The following PTCD3 variants were observed in gnomAD, a reference collection of about 807,000 sequenced individuals.
The protein encoded by PTCD3 is pentatricopeptide repeat domain 3, also known as small ribosomal subunit protein mS39.
Under a neutral mutation model 101.9 loss-of-function variants are expected in PTCD3, and 89 were observed. The observed-to-expected ratio is 0.87, with a 90% CI of 0.74 to 1.04. PTCD3 has a LOEUF of 1.04. Ranked by LOEUF, PTCD3 falls within the 50% of genes least tolerant of loss-of-function variation. The pLI, the probability that PTCD3 is intolerant of heterozygous loss-of-function variation, is 0.00. For synonymous variants in PTCD3, 296 were observed against 278.5 expected, an observed-to-expected ratio of 1.06 and a Z score of -0.63; for missense variants, 870 against 828.2, an observed-to-expected ratio of 1.05 and a Z score of -0.62.
At chr2:86,129,212 A>G (rs2104458751) in intron 14 of PTCD3, among the ~76,000 whole-genome samples, 1 of 152,342 alleles carries the variant, frequency 6.6e-6, no homozygotes, top group South Asian at 2.1e-4. Context: ...TTCTGACTCC[A>G]AAGTATATTC....
At chr2:86,114,915 C>T (rs1292576408) in intron 4 of PTCD3, among the ~76,000 whole-genome samples, 3 of 152,230 alleles carry the variant, frequency 2.0e-5, no homozygotes, top group East Asian at 3.8e-4. Flanking sequence ...CTTAATTCCT[C>T]CATCAGTGAC....
intron 15 of PTCD3, 100 bp downstream of exon 15, chr2:86,130,837 A>ATT (rs35886251): frequency 2.2e-4 from 295 of 1,333,664 alleles, no homozygotes; most frequent in Admixed American, 6.9e-4. Flanking sequence ...GCTTAGAAGT[A>ATT]TTTTTTTTTT....
chr2:86,124,909 A>G lies in PTCD3; in HGVS notation c.717-86A>G, dbSNP rs1024310541. ...ATAGAAAGTACTTGGCACATTGCCT[A>G]GAACATAATAAACCGTCAGTAAATG... is the stretch of plus-strand genomic sequence containing the variant. On this transcript the variant is annotated intron_variant, in intron 9 of 23. Transcript: ENST00000254630. 2.0e-6 allele frequency: 3 copies of G among 1,535,562 alleles called. No homozygotes were observed. In the African/African-American group the frequency reaches 4.1e-5, roughly 21 times the overall value.
chr2:86,114,804 A>C (rs1674150878), intron 4 of PTCD3, among the ~76,000 whole-genome samples: 1 of 152,178 alleles, frequency 6.6e-6, no homozygotes, highest in Non-Finnish European at 1.5e-5. Context: ...AGAAGATACA[A>C]AGCAAAGTCA....
At chr2:86,111,260 CAG>C (rs781405327) in intron 4 of PTCD3, 102 bp downstream of exon 4, 6 of 1,064,420 alleles carry the variant, frequency 5.6e-6, no homozygotes, top group Non-Finnish European at 8.5e-6. Flanking sequence ...CGTCATTACT[CAG>C]AATTAAACTG....
In PTCD3 at chr2:86,137,642, A is replaced by G. The variant is rs1028460591; in HGVS notation, c.*83A>G. On this transcript the variant is annotated 3_prime_UTR_variant, in exon 24 of 24. Coordinates refer to ENST00000254630, the MANE Select transcript of PTCD3 (RefSeq NM_017952.6). The stretch of plus-strand genomic sequence containing the variant: ...GAACTGAGATATACCAATATTTAAC[A>G]TTGTTACAAAGAAGAAAAGATACAG... 2.5e-6 allele frequency: 4 copies of G among 1,568,668 alleles called. No homozygotes were observed. The highest frequency in any genetic ancestry group is 2.6e-6 in the Non-Finnish European group (3 of 1,156,298).
chr2:86,136,379 C>T lies in PTCD3; in HGVS notation c.1779-142C>T, dbSNP rs529360194. 4.9e-5 allele frequency: 38 copies of T among 781,836 alleles called. No homozygotes were observed. In the South Asian group the frequency reaches 6.6e-4, roughly 14 times the overall value. The allele number at this position is 781,836 out of a possible 1,614,324, so 48.4% of individuals were successfully genotyped here. ...CACACAGGGCTGGGAGCTAGTAGAG[C>T]CCACAGATGTGTGTCTTTGGGAGCT... On this transcript the variant is annotated intron_variant, in intron 21 of 23. Transcript: ENST00000254630.
chr2:86,116,952 C>T lies in PTCD3; in HGVS notation c.310-103C>T, dbSNP rs530307062. 21 of 642,762 alleles carry T rather than the reference C, an allele frequency of 3.3e-5. No individual in the cohort carries two copies. In the East Asian group the frequency reaches 5.2e-4, roughly 16 times the overall value. 39.8% of individuals were successfully genotyped at this position (642,762 alleles called of 1,614,324 possible). A position where few individuals can be genotyped will look rare whatever the true frequency, so the allele number is the denominator to read the frequency against. ...CTAATTGGGATTCTGCGTGTTGTTG[C>T]ATTTGTTTTTTTTTGTGAGGGGGGA... is the stretch of plus-strand genomic sequence containing the variant. On this transcript the variant is annotated intron_variant, in intron 5 of 23. Coordinates refer to ENST00000254630, the MANE Select transcript of PTCD3 (RefSeq NM_017952.6).
intron 1 of PTCD3, among the ~76,000 whole-genome samples, 189 bp downstream of exon 1, chr2:86,106,540 A>G (rs1673953956): frequency 6.6e-6 from 1 of 152,236 alleles, no homozygotes; most frequent in African/African-American, 2.4e-5. Flanking sequence ...TTTATTCATT[A>G]GAGAAATACT....
In PTCD3 at chr2:86,132,622, GTTTTT is replaced by G. The variant is rs11333311; in HGVS notation, c.1373+213_1373+217del. ...AAAGACTAGTTTGTGTCCTTTAAGGGTTTTTTTTTTTTTTTTTTTGCAACACTGTA... is the reference window on the plus strand; with the variant it reads ...AAAGACTAGTTTGTGTCCTTTAAGGGTTTTTTTTTTTTTTGCAACACTGTA... On this transcript the variant is annotated intron_variant, in intron 17 of 23. Transcript: ENST00000254630. 491 of 218,060 alleles carry G rather than the reference GTTTTT, an allele frequency of 2.3e-3. 1 individual carries two copies. Among genetic ancestry groups the G allele is most frequent in the Middle Eastern group, 5.6e-3 (4 of 710 alleles). 13.5% of individuals were successfully genotyped at this position (218,060 alleles called of 1,614,324 possible). A position where few individuals can be genotyped will look rare whatever the true frequency, so the allele number is the denominator to read the frequency against.
At chr2:86,119,782 G>C (rs755031155) in intron 7 of PTCD3, among the ~76,000 whole-genome samples, 3 of 152,214 alleles carry the variant, frequency 2.0e-5, no homozygotes, top group Non-Finnish European at 4.4e-5. Context: ...GTCACTAATT[G>C]TTCTTAGCAT....
In PTCD3 at chr2:86,132,517, CA is replaced by C. The variant is rs914616879; in HGVS notation, c.1373+94del. ...TCCCTTCATACCTCACCTCTGGTTT[CA>C]GGCAACATGCCAATGATCTAATAGG... On this transcript the variant is annotated intron_variant, in intron 17 of 23. Coordinates refer to ENST00000254630, the MANE Select transcript of PTCD3 (RefSeq NM_017952.6). 3.7e-6 allele frequency: 3 copies of C among 818,206 alleles called. No individual in the cohort carries two copies. In the African/African-American group the frequency reaches 5.1e-5, roughly 14 times the overall value. 50.7% of individuals were successfully genotyped at this position (818,206 alleles called of 1,614,324 possible). A position where few individuals can be genotyped will look rare whatever the true frequency, so the allele number is the denominator to read the frequency against.
intron 23 of PTCD3, 70 bp downstream of exon 23, chr2:86,137,210 C>G: frequency 6.8e-7 from 1 of 1,468,480 alleles, no homozygotes; most frequent in Non-Finnish European, 9.2e-7. Context: ...TCAAAATGTT[C>G]ATAGCTTTCT....
At position 86,126,730 on chromosome 2, in the gene PTCD3, A is replaced by G. The variant is rs1206115095; in HGVS notation, c.952-431A>G. Among the ~76,000 whole-genome samples the G allele has an allele frequency of 7.9e-5, 12 of 151,638 alleles. No individual in the cohort carries two copies. The South Asian group carries it at 8.4e-4, about 11-fold the overall frequency. On this transcript the variant is annotated intron_variant, in intron 12 of 23. Coordinates refer to ENST00000254630, the MANE Select transcript of PTCD3 (RefSeq NM_017952.6). ...TGCTCGCCTGTAGTCGCAGCTACTC[A>G]GGAGGCTGAGGCAGGAGAATCACCT... is the stretch of plus-strand genomic sequence containing the variant.
intron 14 of PTCD3, 61 bp downstream of exon 14, chr2:86,128,052 A>T (rs1674427793): frequency 1.5e-6 from 2 of 1,309,852 alleles, no homozygotes; most frequent in Admixed American, 3.4e-5. Context: ...TCTTGAGTTT[A>T]TGTGATTAAT....
chr2:86,125,149 C>T, intron 10 of PTCD3, 67 bp downstream of exon 10: 1 of 1,582,492 alleles, frequency 6.3e-7, no homozygotes, highest in Non-Finnish European at 8.6e-7. Context: ...CTCAGAACTA[C>T]TAACATTTTG....
At chr2:86,120,950 C>T (rs947573731) in intron 7 of PTCD3, among the ~76,000 whole-genome samples, 16 of 152,192 alleles carry the variant, frequency 1.1e-4, no homozygotes, top group Non-Finnish European at 1.8e-4. Flanking sequence ...TCATACTTGT[C>T]TTCCTCCTAT....
rs914945879 is a variant in PTCD3 at position 86,134,317 on chromosome 2, C to G, written c.1569C>G (p.Phe523Leu). The G allele has an allele frequency of 3.7e-6, 6 of 1,612,666 alleles. No homozygotes were observed. Among genetic ancestry groups the G allele is most frequent in the African/African-American group, 2.7e-5 (2 of 74,902 alleles). Residue 523 changes from phenylalanine to leucine, a missense_variant, in exon 20 of 24, where the codon TTC becomes TTG. Physicochemically the swap from Phe to Leu is conservative, Grantham distance 22. Transcript: ENST00000254630. ...WKDSKEYGHTFRSDLREEILM... is the reference protein window; with the variant it reads ...WKDSKEYGHTLRSDLREEILM... ...ATAGTAAAGAATATGGTCATACTTT[C>G]CGCAGTGACCTGAGAGAAGAGATCC...
At chr2:86,126,325 C>A (rs1032105377) in intron 12 of PTCD3, among the ~76,000 whole-genome samples, 2 of 151,784 alleles carry the variant, frequency 1.3e-5, no homozygotes, top group African/African-American at 4.8e-5. Context: ...GTTACCTGTT[C>A]ACTACCCTTT....
Sources: allele counts gnomAD v4.1 joint callset (sites outside exome capture counted in the v4.1 genomes callset), GRCh38; gene constraint gnomAD v4.1.1; transcripts MANE v1.5; gene names NCBI Gene and HGNC (gene_info 2026-07-23, HGNC 2026-07-21).